ADAMTSL1: variants seen among roughly 807,000 people sequenced by gnomAD.
ADAMTSL1 encodes the protein ADAMTS like 1, also known as ADAMTS-like protein 1.
ADAMTSL1 carries 126 observed loss-of-function variants against 201.8 expected under a neutral mutation model. The observed-to-expected ratio is 0.62, with a 90% CI of 0.54 to 0.72. The LOEUF (loss-of-function observed/expected upper bound fraction) is 0.72. Among genes scored for constraint, ADAMTSL1 ranks in the 30% least tolerant of loss-of-function variants. ADAMTSL1 has a pLI of 0.00. For synonymous variants in ADAMTSL1, 1,121 were observed against 903.4 expected, an observed-to-expected ratio of 1.24 and a Z score of -4.32; for missense variants, 2,679 against 2,277.8, an observed-to-expected ratio of 1.18 and a Z score of -3.59.
intron 2 of ADAMTSL1, among the ~76,000 whole-genome samples, chr9:18,289,188 T>C (rs1587478939): frequency 1.5e-5 from 2 of 133,532 alleles, no homozygotes; most frequent in Non-Finnish European, 3.3e-5. Context: ...TACCTATCTA[T>C]CTATAGAGAG....
At chr9:18,661,136 A>T (rs945371511) in intron 8 of ADAMTSL1, among the ~76,000 whole-genome samples, 4 of 152,182 alleles carry the variant, frequency 2.6e-5, no homozygotes, top group African/African-American at 9.6e-5. Context: ...AGGACAATAA[A>T]AAGGCAGGTA....
intron 23 of ADAMTSL1, among the ~76,000 whole-genome samples, chr9:18,852,181 G>A (rs1251444230): frequency 1.3e-5 from 2 of 152,182 alleles, no homozygotes; most frequent in Non-Finnish European, 2.9e-5. Flanking sequence ...AGCCTCCGGA[G>A]CCAGAATGCC....
intron 1 of ADAMTSL1, among the ~76,000 whole-genome samples, chr9:18,145,356 G>C (rs10810912): frequency 0.82 from 125,267 of 152,126 alleles, 51,768 homozygotes; most frequent in Non-Finnish European, 0.85. Flanking sequence ...GGTTCTACAT[G>C]TGCTGATCCT....
rs1261714277 is a variant in ADAMTSL1 at position 18,828,695 on chromosome 9, AAATGTGTG to A, written c.4115-1147_4115-1140del. 9.3e-3 allele frequency among the ~76,000 whole-genome samples: 374 copies of A among 40,274 alleles called. 15 individuals carry two copies. The highest frequency in any genetic ancestry group is 0.033 in the African/African-American group (347 of 10,458). 26.4% of individuals were successfully genotyped at this position (40,274 alleles called of 152,430 possible). On this transcript the variant is annotated intron_variant, in intron 22 of 28. Coordinates refer to ENST00000380548, the MANE Select transcript of ADAMTSL1 (RefSeq NM_001040272.6). ...ATATATATATATATATATATATATA[AAATGTGTG>A]TGTGTGTATATATATATATGTACAC...
At chr9:17,970,438 GC>G (rs1487116718) in intron 1 of ADAMTSL1, among the ~76,000 whole-genome samples, 1 of 151,956 alleles carries the variant, frequency 6.6e-6, no homozygotes, top group Non-Finnish European at 1.5e-5. Flanking sequence ...TGAAATAGAA[GC>G]ACTTGGGTGT....
intron 2 of ADAMTSL1, among the ~76,000 whole-genome samples, chr9:18,216,478 A>G (rs993508767): frequency 6.6e-6 from 1 of 152,118 alleles, no homozygotes; most frequent in African/African-American, 2.4e-5. Context: ...CAGGAGAATA[A>G]CTTAGCATAG....
At chr9:17,939,144 C>G (rs1475835623) in intron 1 of ADAMTSL1, among the ~76,000 whole-genome samples, 1 of 152,150 alleles carries the variant, frequency 6.6e-6, no homozygotes, top group East Asian at 1.9e-4. Context: ...CAATAACTGC[C>G]TTGCTTCCTT....
At chr9:18,259,480 C>G (rs1831828670) in intron 2 of ADAMTSL1, among the ~76,000 whole-genome samples, 1 of 151,488 alleles carries the variant, frequency 6.6e-6, no homozygotes, top group African/African-American at 2.4e-5. Flanking sequence ...CCACCACACT[C>G]CAGCCTGTAT....
At chr9:18,303,221 G>A (rs549069663) in intron 2 of ADAMTSL1, among the ~76,000 whole-genome samples, 2 of 152,334 alleles carry the variant, frequency 1.3e-5, no homozygotes, top group South Asian at 4.1e-4. Context: ...ACAAAAGTAA[G>A]AGACCAAAGA....
intron 2 of ADAMTSL1, among the ~76,000 whole-genome samples, chr9:18,345,992 G>T: frequency 6.6e-6 from 1 of 152,058 alleles, no homozygotes; most frequent in East Asian, 1.9e-4. Flanking sequence ...CTCTCATGTT[G>T]CTCCTTTTGT....
rs142535030 is a variant in ADAMTSL1 at position 18,560,510 on chromosome 9, T to C, written c.238-13520T>C. On this transcript the variant is annotated intron_variant, in intron 3 of 28. Coordinates refer to ENST00000380548, the MANE Select transcript of ADAMTSL1 (RefSeq NM_001040272.6). Reference sequence around the variant, plus strand: ...TATCTGCCAGGCTTTGGTATCAGGATGATGCAGGCCTCATAAAATGAGTTA... The same window carrying C: ...TATCTGCCAGGCTTTGGTATCAGGACGATGCAGGCCTCATAAAATGAGTTA... Among the ~76,000 whole-genome samples the C allele has an allele frequency of 4.1e-3, 623 of 152,336 alleles. 2 individuals are homozygous for C. Among genetic ancestry groups the C allele is most frequent in the East Asian group, 0.018 (94 of 5,184 alleles).
intron 13 of ADAMTSL1, 82 bp downstream of exon 13, chr9:18,684,882 A>G (rs766115947): frequency 1.7e-5 from 26 of 1,526,226 alleles, no homozygotes; most frequent in Non-Finnish European, 2.1e-5. Context: ...TGTAGCTTTC[A>G]TGGGTTCTGA....
chr9:18,479,594 G>T (rs1821622343), intron 1 of ADAMTSL1, among the ~76,000 whole-genome samples: 1 of 152,136 alleles, frequency 6.6e-6, no homozygotes, highest in African/African-American at 2.4e-5. Context: ...TATTTTATAT[G>T]TAATTTTTAT....
chr9:18,842,127 G>A (rs1825760061), intron 23 of ADAMTSL1, among the ~76,000 whole-genome samples: 1 of 151,880 alleles, frequency 6.6e-6, no homozygotes, highest in Non-Finnish European at 1.5e-5. Flanking sequence ...TAATTGTGAT[G>A]TTAGGGTGTC....
intron 2 of ADAMTSL1, among the ~76,000 whole-genome samples, chr9:18,311,632 A>G (rs1452330314): frequency 6.6e-6 from 1 of 152,154 alleles, no homozygotes; most frequent in Non-Finnish European, 1.5e-5. Flanking sequence ...CAGACCATAG[A>G]ATCCTAATGG....
At chr9:18,282,614 G>T (rs551561730) in intron 2 of ADAMTSL1, among the ~76,000 whole-genome samples, 8 of 152,300 alleles carry the variant, frequency 5.3e-5, no homozygotes, top group African/African-American at 1.7e-4. Context: ...AAAAGAGTAC[G>T]TGGCCGGGTG....
chr9:18,893,815 T>G (rs1588329336), intron 26 of ADAMTSL1, among the ~76,000 whole-genome samples: 1 of 152,268 alleles, frequency 6.6e-6, no homozygotes. Flanking sequence ...GCAAATGTTT[T>G]TTCTTCTGCC....
chr9:18,100,635 C>T (rs1199187828), intron 1 of ADAMTSL1, among the ~76,000 whole-genome samples: 4 of 152,228 alleles, frequency 2.6e-5, no homozygotes, highest in African/African-American at 9.6e-5. Flanking sequence ...CCTTTGTTTT[C>T]CTTTTTCTGT....
At chr9:18,544,970 A>T (rs1038503618) in intron 3 of ADAMTSL1, among the ~76,000 whole-genome samples, 17 of 152,216 alleles carry the variant, frequency 1.1e-4, no homozygotes, top group African/African-American at 4.1e-4. Flanking sequence ...AAAAGCTGAT[A>T]TGAGTCCCCT....
Sources: gnomAD v4.1 joint callset for allele counts (sites outside exome capture counted in the v4.1 genomes callset) on GRCh38, gnomAD v4.1.1 for gene constraint, MANE v1.5 for transcripts, NCBI Gene and HGNC (gene_info 2026-07-23, HGNC 2026-07-21) for gene names.